Variants in DNER observed in about 807,000 individuals in gnomAD.
The protein encoded by DNER is delta/notch like EGF repeat containing, also known as delta and Notch-like epidermal growth factor-related receptor.
In DNER, 33 loss-of-function variants were observed where a neutral mutation model predicts 78.2. That is an observed-to-expected ratio of 0.42 (90% CI 0.32 to 0.56). The LOEUF (loss-of-function observed/expected upper bound fraction) is 0.56. Ranked by LOEUF, DNER falls within the 20% of genes least tolerant of loss-of-function variation. The pLI, the probability that DNER is intolerant of heterozygous loss-of-function variation, is 0.11. For missense variants in DNER, 918 were observed against 975.3 expected (o/e 0.94, Z 0.78); for synonymous variants, 417 against 384.8 (o/e 1.08, Z -0.98).
chr2:229,633,807 G>A (rs1166582058), intron 1 of DNER, among the ~76,000 whole-genome samples: 1 of 152,182 alleles, frequency 6.6e-6, no homozygotes, highest in Admixed American at 6.5e-5. Flanking sequence ...CAAGAGAGGT[G>A]CGCTCCAGCC....
chr2:229,624,506 AT>A (rs1457286358), intron 1 of DNER, among the ~76,000 whole-genome samples: 3 of 150,290 alleles, frequency 2.0e-5, no homozygotes, highest in Admixed American at 6.7e-5. Context: ...TAAAAAAAAA[AT>A]AGTTAAATAA....
chr2:229,358,512 T>A lies in DNER; in HGVS notation c.*28A>T, dbSNP rs1259685560. The A allele has an allele frequency of 3.8e-6, 6 of 1,569,082 alleles. No individual in the cohort carries two copies. Among genetic ancestry groups the A allele is most frequent in the South Asian group, 1.2e-5 (1 of 84,208 alleles). On this transcript the variant is annotated 3_prime_UTR_variant, in exon 13 of 13. Transcript: ENST00000341772. ...ATATTTAAATGAGTGTAGTATCTCA[T>A]CTTTTTGAAAAATAATCCAAAAAAA...
intron 5 of DNER, among the ~76,000 whole-genome samples, chr2:229,515,140 G>A (rs112223074): frequency 2.0e-5 from 3 of 152,220 alleles, no homozygotes; most frequent in African/African-American, 7.2e-5. Context: ...ATAAAATGAG[G>A]ATCTATCTGT....
intron 8 of DNER, among the ~76,000 whole-genome samples, chr2:229,436,697 A>C (rs1255431866): frequency 6.6e-6 from 1 of 152,252 alleles, no homozygotes; most frequent in Admixed American, 6.5e-5. Context: ...CAGCCAATCT[A>C]AGCTTCATAA....
In DNER at chr2:229,474,829, T is replaced by G. The variant is rs1358832791; in HGVS notation, c.1261+2311A>C. On this transcript the variant is annotated intron_variant, in intron 7 of 12. Coordinates refer to ENST00000341772, the MANE Select transcript of DNER (RefSeq NM_139072.4). The stretch of plus-strand genomic sequence containing the variant: ...CTTCTCAGGCCTCCTCCATTTTCTT[T>G]CCAAAGTTCTTCCAAATCCGTCTGC... Among the ~76,000 whole-genome samples, 3 of 152,250 alleles carry G rather than the reference T, an allele frequency of 2.0e-5. No homozygotes were observed. The East Asian group carries it at 5.8e-4, about 29-fold the overall frequency.
At chr2:229,501,286 T>C (rs1350768287) in intron 6 of DNER, among the ~76,000 whole-genome samples, 1 of 151,162 alleles carries the variant, frequency 6.6e-6, no homozygotes, top group Non-Finnish European at 1.5e-5. Flanking sequence ...GCTAAGAAAG[T>C]GGATTTTAAG....
At chr2:229,543,494 A>G (rs1696556856) in intron 5 of DNER, among the ~76,000 whole-genome samples, 1 of 152,236 alleles carries the variant, frequency 6.6e-6, no homozygotes, top group African/African-American at 2.4e-5. Flanking sequence ...GAAAGCTCAC[A>G]ATGAATCTCA....
intron 1 of DNER, among the ~76,000 whole-genome samples, chr2:229,604,638 T>C (rs1020749466): frequency 1.3e-5 from 2 of 152,186 alleles, no homozygotes; most frequent in African/African-American, 4.8e-5. Flanking sequence ...TTGATGTGTG[T>C]TTTTCTCTCT....
chr2:229,565,136 G>A (rs1346884158), intron 4 of DNER, among the ~76,000 whole-genome samples: 1 of 152,218 alleles, frequency 6.6e-6, no homozygotes, highest in African/African-American at 2.4e-5. Flanking sequence ...CTCAATGTAC[G>A]GCAGGTCCTA....
intron 6 of DNER, among the ~76,000 whole-genome samples, chr2:229,480,008 C>A (rs962544054): frequency 6.6e-6 from 1 of 152,154 alleles, no homozygotes; most frequent in Admixed American, 6.6e-5. Context: ...AAAACCATGA[C>A]CCACAGCCAG....
intron 1 of DNER, among the ~76,000 whole-genome samples, chr2:229,669,489 G>A (rs187472531): frequency 6.6e-6 from 1 of 152,130 alleles, no homozygotes; most frequent in African/African-American, 2.4e-5. Context: ...CATTGAATCT[G>A]TAAGTTACTT....
At chr2:229,638,937 T>C (rs1014138207) in intron 1 of DNER, among the ~76,000 whole-genome samples, 1 of 152,194 alleles carries the variant, frequency 6.6e-6, no homozygotes, top group African/African-American at 2.4e-5. Context: ...AGGCTTCTGC[T>C]CTGCTGCTTG....
chr2:229,541,673 A>T (rs1198819967), intron 5 of DNER, among the ~76,000 whole-genome samples: 1 of 151,988 alleles, frequency 6.6e-6, no homozygotes, highest in Non-Finnish European at 1.5e-5. Flanking sequence ...AGACCCAAAG[A>T]GAACAAAAGC....
At chr2:229,528,507 A>G (rs1212068056) in intron 5 of DNER, among the ~76,000 whole-genome samples, 1 of 152,206 alleles carries the variant, frequency 6.6e-6, no homozygotes, top group African/African-American at 2.4e-5. Flanking sequence ...TCTGATAGGG[A>G]TACCAAGGCT....
intron 11 of DNER, among the ~76,000 whole-genome samples, chr2:229,386,440 G>A (rs1287045615): frequency 6.6e-6 from 1 of 152,042 alleles, no homozygotes; most frequent in Non-Finnish European, 1.5e-5. Context: ...AACACCAAAA[G>A]CAATGGCAAC....
intron 10 of DNER, among the ~76,000 whole-genome samples, chr2:229,389,711 AT>A (rs1692975991): frequency 6.6e-6 from 1 of 152,184 alleles, no homozygotes; most frequent in African/African-American, 2.4e-5. Flanking sequence ...CACTCAGGCC[AT>A]TTTAGAGGAG....
intron 1 of DNER, among the ~76,000 whole-genome samples, chr2:229,711,368 T>A (rs569109990): frequency 2.0e-5 from 3 of 152,180 alleles, no homozygotes; most frequent in Non-Finnish European, 2.9e-5. Context: ...TCGTTGAAGA[T>A]GAGGAAATAA....
chr2:229,605,183 C>T (rs1697910541), intron 1 of DNER, among the ~76,000 whole-genome samples: 2 of 152,142 alleles, frequency 1.3e-5, no homozygotes, highest in African/African-American at 4.8e-5. Flanking sequence ...CGTAAAAGCC[C>T]TACCAACTAG....
At chr2:229,492,121 A>G (rs1043361051) in intron 6 of DNER, among the ~76,000 whole-genome samples, 2 of 152,156 alleles carry the variant, frequency 1.3e-5, no homozygotes, top group Non-Finnish European at 1.5e-5. Context: ...TTCATTCTCA[A>G]TTGTATTCTC....
Sources: gnomAD v4.1 joint callset for allele counts (sites outside exome capture counted in the v4.1 genomes callset) on GRCh38, gnomAD v4.1.1 for gene constraint, MANE v1.5 for transcripts, NCBI Gene and HGNC (gene_info 2026-07-23, HGNC 2026-07-21) for gene names.